DDB1: variants seen among roughly 807,000 people sequenced by gnomAD.
DDB1 encodes the protein damage specific DNA binding protein 1.
Under a neutral mutation model 133.1 loss-of-function variants are expected in DDB1, and 18 were observed. The ratio of observed to expected loss-of-function variants is 0.14; its 90% CI spans 0.09 to 0.20. DDB1 has a LOEUF of 0.20. Ranked by LOEUF, DDB1 falls within the 10% of genes least tolerant of loss-of-function variation. DDB1 has a pLI of 1.00. For missense variants in DDB1, 828 were observed against 1,459.2 expected (o/e 0.57, Z 7.05); for synonymous variants, 580 against 550.5 (o/e 1.05, Z -0.75).
intron 2 of DDB1, among the ~76,000 whole-genome samples, chr11:61,330,773 A>G (rs1856354299): frequency 1.3e-5 from 2 of 151,940 alleles, no homozygotes; most frequent in South Asian, 4.1e-4. Flanking sequence ...CTTGTGCCTC[A>G]GCCTGCCAAG....
Position 61,321,937 on chromosome 11 carries a change from T to A in DDB1, c.1123-240A>T, listed in dbSNP as rs984184827. The A allele has an allele frequency of 7.2e-6, 4 of 553,988 alleles. No homozygotes were observed. The Admixed American group carries it at 9.4e-5, about 13-fold the overall frequency. 34.3% of individuals were successfully genotyped at this position (553,988 alleles called of 1,614,324 possible). ...ACTGCTCCTAGCAAGCTTGCTTAGA[T>A]CGCTGGGACCTAGTTTACTAGAATG... On this transcript the variant is annotated intron_variant, in intron 9 of 26. Transcript: ENST00000301764.
rs760461879 is a variant in DDB1 at position 61,311,837 on chromosome 11, C to G, written c.2224G>C (p.Val742Leu). ...GTCGTGCCCCCACTCGTGTCTTGGA[C>G]TTCAATGCGGCTGGAGAGGACCCCG... ...CFGVLSSRIE[V>L]QDTSGGTTAL... The change falls in exon 18 of 27, where the codon GTC becomes CTC. Residue 742 changes from valine (V) to leucine (L), a missense_variant. Physicochemically the swap from Val to Leu is conservative, Grantham distance 32. This residue lies in a region of DDB1 where 396 missense variants were observed against 554.1 expected (regional missense o/e 0.71). Coordinates refer to ENST00000301764, the MANE Select transcript of DDB1 (RefSeq NM_001923.5). 3.7e-6 allele frequency: 6 copies of G among 1,614,002 alleles called. No individual in the cohort carries two copies. The Admixed American group carries it at 8.3e-5, about 22-fold the overall frequency.
chr11:61,309,481 G>A (rs1855927375), intron 20 of DDB1, among the ~76,000 whole-genome samples: 1 of 152,092 alleles, frequency 6.6e-6, no homozygotes, highest in African/African-American at 2.4e-5. Context: ...GCAACCAAGT[G>A]GAAAACAAAC....
intron 4 of DDB1, chr11:61,327,670 T>C (rs1222871183): frequency 6.6e-6 from 1 of 152,232 alleles, no homozygotes; most frequent in Non-Finnish European, 1.5e-5. Context: ...ATTGTCAACA[T>C]CATCTTCCCC....
intron 18 of DDB1, 148 bp from the exon 19 acceptor site, chr11:61,310,566 T>G: frequency 1.2e-6 from 1 of 854,624 alleles, no homozygotes; most frequent in Non-Finnish European, 1.7e-6. Context: ...CTGAGGAGAG[T>G]GTTTCAGAGG....
intron 25 of DDB1, chr11:61,301,909 C>T (rs2134891262): frequency 5.3e-6 from 1 of 189,700 alleles, no homozygotes; most frequent in Non-Finnish European, 1.1e-5. Context: ...GACACTGTTG[C>T]CCTCAACCAA....
chr11:61,325,719 G>A lies in DDB1; in HGVS notation c.665-11C>T. ...CAAAGGGCTCTGGGACTGCAGGAAA[G>A]ACAGCAAAATTAGAATGCTCAGCAC... On this transcript the variant is annotated splice_polypyrimidine_tract_variant and intron_variant, in intron 5 of 26. Coordinates refer to ENST00000301764, the MANE Select transcript of DDB1 (RefSeq NM_001923.5). 1.2e-6 allele frequency: 2 copies of A among 1,607,842 alleles called. No individual in the cohort carries two copies. Among genetic ancestry groups the A allele is most frequent in the East Asian group, 2.2e-5 (1 of 44,860 alleles).
intron 19 of DDB1, 74 bp from the exon 20 acceptor site, chr11:61,310,034 A>G: frequency 6.3e-7 from 1 of 1,596,678 alleles, no homozygotes; most frequent in Non-Finnish European, 8.6e-7. Flanking sequence ...CGTATTTCTG[A>G]GGCCTGTGGC....
At chr11:61,310,544 A>G (rs1180244826) in intron 18 of DDB1, 126 bp from the exon 19 acceptor site, 7 of 1,106,608 alleles carry the variant, frequency 6.3e-6, no homozygotes, top group Non-Finnish European at 8.6e-6. Flanking sequence ...GATGGCTGGC[A>G]GCTCAAGGAG....
chr11:61,326,544 A>G (rs1233745357), intron 5 of DDB1, among the ~76,000 whole-genome samples: 2 of 152,054 alleles, frequency 1.3e-5, no homozygotes, highest in Non-Finnish European at 2.9e-5. Flanking sequence ...CAATCCCTCC[A>G]CCCAAGTAAA....
chr11:61,309,964 GAGAGT>G lies in DDB1; in HGVS notation c.2402-9_2402-5del, dbSNP rs759340755. On this transcript the variant is annotated splice_region_variant and splice_polypyrimidine_tract_variant and intron_variant, in intron 19 of 26. Transcript: ENST00000301764. ...AGAAACTGGTGGGCATGAAGCACTA[GAGAGT>G]AGAGAGATGACTACGTGATGACAGG... 15 of 1,614,214 alleles carry G rather than the reference GAGAGT, an allele frequency of 9.3e-6. No homozygotes were observed. Among genetic ancestry groups the G allele is most frequent in the Non-Finnish European group, 1.3e-5 (15 of 1,180,040 alleles).
At chr11:61,303,696 G>A (rs985441649) in intron 22 of DDB1, among the ~76,000 whole-genome samples, 169 bp downstream of exon 22, 2 of 102,774 alleles carry the variant, frequency 1.9e-5, no homozygotes, top group Non-Finnish European at 3.3e-5. Flanking sequence ...GCCAGACTGC[G>A]TCTCAAAAAA....
chr11:61,326,763 T>G lies in DDB1; in HGVS notation c.664+16A>C. ...TAGACCCAGGTGGAGGCACATTTCCTAAACCCCCTACCAACCTGCGATCAC... is the reference window on the plus strand; with the variant it reads ...TAGACCCAGGTGGAGGCACATTTCCGAAACCCCCTACCAACCTGCGATCAC... On this transcript the variant is annotated intron_variant, in intron 5 of 26. Transcript: ENST00000301764. 6 of 1,610,194 alleles carry G rather than the reference T, an allele frequency of 3.7e-6. No homozygotes were observed. Among genetic ancestry groups the G allele is most frequent in the Non-Finnish European group, 5.1e-6 (6 of 1,176,414 alleles).
intron 1 of DDB1, chr11:61,332,379 G>A (rs1312942464): frequency 6.5e-6 from 1 of 153,192 alleles, no homozygotes; most frequent in Non-Finnish European, 1.5e-5. Context: ...CCCAGCACTG[G>A]GCCAGGCAAA....
intron 23 of DDB1, 138 bp downstream of exon 23, chr11:61,302,907 CT>C: frequency 7.8e-7 from 1 of 1,274,588 alleles, no homozygotes; most frequent in Non-Finnish European, 1.1e-6. Flanking sequence ...TTTCTGTCAC[CT>C]TTTATTCTCT....
intron 22 of DDB1, 174 bp from the exon 23 acceptor site, chr11:61,303,329 G>A (rs1855829847): frequency 3.4e-6 from 2 of 588,596 alleles, no homozygotes; most frequent in Non-Finnish European, 3.0e-6. Context: ...TGCCAACGCA[G>A]CCCATTTGGT....
intron 26 of DDB1, 82 bp from the exon 27 acceptor site, chr11:61,300,301 G>A: frequency 7.3e-7 from 1 of 1,378,072 alleles, no homozygotes; most frequent in Admixed American, 1.9e-5. Flanking sequence ...CCCAGTGAAG[G>A]AGGCACAAGA....
At position 61,311,959 on chromosome 11, in the gene DDB1, C is replaced by A. The variant is rs1480011307; in HGVS notation, c.2165+30G>T. On this transcript the variant is annotated intron_variant, in intron 17 of 26. Transcript: ENST00000301764. ...GTCAGAAGCACCCTACACCAACCCC[C>A]ACTTCCCACTCTCCCACCCTGGGCC... 4 of 1,614,000 alleles carry A rather than the reference C, an allele frequency of 2.5e-6. No individual in the cohort carries two copies. The East Asian group carries it at 8.9e-5, about 36-fold the overall frequency.
In DDB1 at chr11:61,319,439, CTTTT is replaced by C. The variant is rs367586506; in HGVS notation, c.1225+2152_1225+2155del. Among the ~76,000 whole-genome samples, 36 of 145,572 alleles carry C rather than the reference CTTTT, an allele frequency of 2.5e-4. 1 individual carries two copies. The highest frequency in any genetic ancestry group is 9.0e-4 in the African/African-American group (36 of 39,906). On this transcript the variant is annotated intron_variant, in intron 10 of 26. Transcript: ENST00000301764. ...ATGTCTCACTGCTTTCTTTTTTTTT[CTTTT>C]TTTTTTTGAGATGGAGTCTTGCTGT... is the stretch of plus-strand genomic sequence containing the variant.
Sources: allele counts gnomAD v4.1 joint callset (sites outside exome capture counted in the v4.1 genomes callset), GRCh38; gene constraint gnomAD v4.1.1; regional missense constraint gnomAD v4.1.1; transcripts MANE v1.5; gene names NCBI Gene and HGNC (gene_info 2026-07-23, HGNC 2026-07-21).